The following WWTR1 variants were observed in gnomAD, a reference collection of about 807,000 sequenced individuals.
The protein encoded by WWTR1 is WW domain containing transcription regulator 1, also known as WW domain-containing transcription regulator protein 1.
In WWTR1, 13 loss-of-function variants were observed where a neutral mutation model predicts 40.1. That is an observed-to-expected ratio of 0.32 (90% CI 0.21 to 0.52). WWTR1 has a LOEUF of 0.52. Among genes scored for constraint, WWTR1 ranks in the 20% least tolerant of loss-of-function variants. WWTR1 has a pLI of 0.97. For synonymous variants in WWTR1, 230 were observed against 210.1 expected, an observed-to-expected ratio of 1.09 and a Z score of -0.82; for missense variants, 436 against 523.1, an observed-to-expected ratio of 0.83 and a Z score of 1.63.
intron 3 of WWTR1, among the ~76,000 whole-genome samples, chr3:149,544,333 T>C (rs1237011294): frequency 3.9e-5 from 6 of 152,190 alleles, no homozygotes; most frequent in African/African-American, 1.4e-4. Context: ...GAGGTGAGGG[T>C]GGGATAAAAA....
At chr3:149,665,227 CTTTT>C (rs11398199) in intron 2 of WWTR1, among the ~76,000 whole-genome samples, 2 of 128,278 alleles carry the variant, frequency 1.6e-5, no homozygotes, top group Non-Finnish European at 3.2e-5. Context: ...TCCTTTCTTT[CTTTT>C]TTTTTTTTTT....
Position 149,656,904 on chromosome 3 carries a change from T to C in WWTR1, c.403A>G (p.Thr135Ala). Reference protein sequence around the residue: ...PLPPGWEMTFTATGQRYFLNH... With the variant: ...PLPPGWEMTFAATGQRYFLNH... Reference sequence around the variant, plus strand: ...AGGAAGTACCTCTGGCCAGTGGCCGTGAAGGTCATCTCCCAGCCCGGGGGC... The same window carrying C: ...AGGAAGTACCTCTGGCCAGTGGCCGCGAAGGTCATCTCCCAGCCCGGGGGC... The change falls in exon 2 of 7, where the codon ACG (threonine) becomes GCG (alanine). Residue 135 changes from threonine (T) to alanine (A), a missense_variant. Transcript: ENST00000360632. 1 of 1,541,760 alleles carries C rather than the reference T, an allele frequency of 6.5e-7. No homozygotes were observed. The highest frequency in any genetic ancestry group is 1.3e-5 in the South Asian group (1 of 79,068).
intron 2 of WWTR1, among the ~76,000 whole-genome samples, chr3:149,633,505 T>C (rs1711652099): frequency 6.6e-6 from 1 of 152,176 alleles, no homozygotes; most frequent in Non-Finnish European, 1.5e-5. Context: ...AAGTCCAATA[T>C]TAGGCAAGCG....
chr3:149,611,065 G>A (rs1739717193), intron 2 of WWTR1, among the ~76,000 whole-genome samples: 2 of 152,284 alleles, frequency 1.3e-5, no homozygotes, highest in African/African-American at 4.8e-5. Context: ...GAGGTGGGAA[G>A]ATAGATTGAC....
At position 149,518,379 on chromosome 3, in the gene WWTR1, T is replaced by C. The variant is rs1425294915; in HGVS notation, c.*2426A>G. 6.6e-6 allele frequency: 1 copy of C among 151,998 alleles called. No individual in the cohort carries two copies. The highest frequency in any genetic ancestry group is 2.4e-5 in the African/African-American group (1 of 41,414). The allele number at this position is 151,998 out of a possible 1,614,324, so 9.4% of individuals were successfully genotyped here. ...TCTCTTACATTTAATAACCTGAAAA[T>C]GAGTCTATAAAAATATTTTTTAAAA... On this transcript the variant is annotated 3_prime_UTR_variant, in exon 7 of 7. Transcript: ENST00000360632.
upstream of WWTR1, among the ~76,000 whole-genome samples, chr3:149,658,870 T>C (rs1355334122): frequency 6.6e-6 from 1 of 152,056 alleles, no homozygotes; most frequent in African/African-American, 2.4e-5. Context: ...TGTGGGAGGA[T>C]TGGAATGTCC....
intron 5 of WWTR1, among the ~76,000 whole-genome samples, chr3:149,716,588 A>G (rs1300547762): frequency 1.3e-5 from 2 of 151,418 alleles, no homozygotes; most frequent in Admixed American, 6.6e-5. Context: ...GGTATTAGGG[A>G]AAAAAAAATT....
At chr3:149,724,172 G>A (rs1011096115) in exon 4 of WWTR1, 1 of 151,816 alleles carries the variant, frequency 6.6e-6, no homozygotes, top group Non-Finnish European at 1.5e-5. Flanking sequence ...TTCTCTCTGG[G>A]GCTCCTTATT....
chr3:149,553,708 T>C (rs1223446980), intron 3 of WWTR1, among the ~76,000 whole-genome samples: 2 of 152,170 alleles, frequency 1.3e-5, no homozygotes, highest in East Asian at 1.9e-4. Flanking sequence ...TTCTGACTTA[T>C]GTGCAGACCC....
chr3:149,533,847 C>T (rs907111265), intron 4 of WWTR1, among the ~76,000 whole-genome samples: 6 of 151,796 alleles, frequency 4.0e-5, no homozygotes, highest in Non-Finnish European at 5.9e-5. Flanking sequence ...GGCACATTGA[C>T]GCAGTTAACA....
chr3:149,577,149 C>T (rs62269323), intron 2 of WWTR1, among the ~76,000 whole-genome samples: 14,119 of 151,862 alleles, frequency 0.093, 771 homozygotes, highest in Non-Finnish European at 0.11. Flanking sequence ...AAGAGAGAAA[C>T]TCAGTCTCAA....
At chr3:149,545,022 G>A (rs561709494) in intron 3 of WWTR1, among the ~76,000 whole-genome samples, 6 of 152,094 alleles carry the variant, frequency 3.9e-5, no homozygotes, top group South Asian at 2.1e-4. Flanking sequence ...CTCAGGAAAC[G>A]ATCTGATGAA....
In WWTR1 at chr3:149,562,294, C is replaced by CAAA. The variant is rs11446637; in HGVS notation, c.568+10567_568+10569dup. Among the ~76,000 whole-genome samples, 371 of 94,088 alleles carry CAAA rather than the reference C, an allele frequency of 3.9e-3. 1 individual carries two copies. The highest frequency in any genetic ancestry group is 0.011 in the African/African-American group (345 of 30,534). The allele number at this position is 94,088 out of a possible 152,430, so 61.7% of individuals were successfully genotyped here. A position where few individuals can be genotyped will look rare whatever the true frequency, so the allele number is the denominator to read the frequency against. On this transcript the variant is annotated intron_variant, in intron 3 of 6. Transcript: ENST00000360632. Reference sequence around the variant, plus strand: ...TGGGCGACAGAACGAGATTCTGTCTCAAAAAAAAAAAAAAATTACTGAAAT... The same window carrying CAAA: ...TGGGCGACAGAACGAGATTCTGTCTCAAAAAAAAAAAAAAAAAATTACTGAAAT...
intron 3 of WWTR1, among the ~76,000 whole-genome samples, chr3:149,552,066 GAAAAC>G (rs1305629619): frequency 6.9e-6 from 1 of 145,652 alleles, no homozygotes; most frequent in East Asian, 2.0e-4. Context: ...CAAAAGTCAG[GAAAAC>G]CTTTCCTGTT....
At chr3:149,688,257 C>T (rs959155315) in intron 1 of WWTR1, among the ~76,000 whole-genome samples, 1 of 152,066 alleles carries the variant, frequency 6.6e-6, no homozygotes, top group African/African-American at 2.4e-5. Flanking sequence ...CACCTCTTGA[C>T]TAATGAGCCC....
chr3:149,702,073 A>AG (rs958244049), intron 1 of WWTR1: 2 of 166,680 alleles, frequency 1.2e-5, no homozygotes, highest in African/African-American at 4.8e-5. Flanking sequence ...CAAAAAAAAA[A>AG]AAAAGACAGC....
Position 149,651,916 on chromosome 3 carries a change from G to A in WWTR1, c.431+4960C>T, listed in dbSNP as rs1375599509. Among the ~76,000 whole-genome samples the A allele has an allele frequency of 9.8e-5, 14 of 142,706 alleles. 1 individual carries two copies. Among genetic ancestry groups the A allele is most frequent in the Admixed American group, 4.5e-4 (6 of 13,448 alleles). The allele number at this position is 142,706 out of a possible 152,430, so 93.6% of individuals were successfully genotyped here. On this transcript the variant is annotated intron_variant, in intron 2 of 6. Coordinates refer to ENST00000360632, the MANE Select transcript of WWTR1 (RefSeq NM_015472.6). The stretch of plus-strand genomic sequence containing the variant: ...GCGATCTCGGCTCACTGCAAGCTCC[G>A]CCTCCGGGGTTCACACCATTCTCCT...
chr3:149,671,140 A>G (rs1714074721), intron 1 of WWTR1, among the ~76,000 whole-genome samples: 1 of 152,174 alleles, frequency 6.6e-6, no homozygotes, highest in African/African-American at 2.4e-5. Flanking sequence ...TAACTCATGA[A>G]TCCTCAGAAC....
At chr3:149,652,406 G>T (rs995831188) in intron 2 of WWTR1, among the ~76,000 whole-genome samples, 2 of 151,464 alleles carry the variant, frequency 1.3e-5, no homozygotes, top group Non-Finnish European at 2.9e-5. Context: ...AGGATTGCTT[G>T]AGGCCAGGAG....
Sources: allele counts gnomAD v4.1 joint callset (sites outside exome capture counted in the v4.1 genomes callset), GRCh38; gene constraint gnomAD v4.1.1; transcripts MANE v1.5; gene names NCBI Gene and HGNC (gene_info 2026-07-23, HGNC 2026-07-21).